MACROD1: variants seen among roughly 807,000 people sequenced by gnomAD.
The protein encoded by MACROD1 is mono-ADP ribosylhydrolase 1.
MACROD1 carries 31 observed loss-of-function variants against 41.4 expected under a neutral mutation model. The observed-to-expected ratio is 0.75, with a 90% CI of 0.56 to 1.01. MACROD1 has a LOEUF of 1.01. Ranked by LOEUF, MACROD1 falls within the 50% of genes least tolerant of loss-of-function variation. The pLI, the probability that MACROD1 is intolerant of heterozygous loss-of-function variation, is 0.00. For synonymous variants in MACROD1, 252 were observed against 203.4 expected (o/e 1.24, Z -2.03); for missense variants, 473 against 460.0 (o/e 1.03, Z -0.26).
At chr11:64,049,838 G>T (rs935005148) in intron 3 of MACROD1, among the ~76,000 whole-genome samples, 4 of 152,154 alleles carry the variant, frequency 2.6e-5, no homozygotes, top group African/African-American at 9.7e-5. Context: ...TAGGGCTGGG[G>T]CCTGGCTGAG....
intron 4 of MACROD1, 63 bp from the exon 5 acceptor site, chr11:64,000,406 C>T (rs1322603574): frequency 3.5e-6 from 4 of 1,136,314 alleles, no homozygotes; most frequent in Non-Finnish European, 3.6e-6. Flanking sequence ...GGTGAGCACC[C>T]TCAGTCCCGA....
chr11:64,061,723 AG>A (rs1943907412), intron 3 of MACROD1, among the ~76,000 whole-genome samples: 1 of 146,952 alleles, frequency 6.8e-6, no homozygotes. Context: ...TTTTTGAGAT[AG>A]GGTCTCACTC....
intron 8 of MACROD1, 54 bp downstream of exon 8, chr11:63,999,277 C>T (rs2134315370): frequency 1.3e-6 from 2 of 1,528,204 alleles, no homozygotes; most frequent in South Asian, 1.2e-5. Context: ...ATGATGGGGG[C>T]TGGTCACTCT....
In MACROD1 at chr11:64,000,310, A is replaced by G. The variant is rs529958013; in HGVS notation, c.581T>C (p.Leu194Pro). The G allele has an allele frequency of 6.3e-5, 100 of 1,593,520 alleles. 3 individuals carry two copies. In the South Asian group the frequency reaches 1.1e-3, roughly 18 times the overall value. The stretch of plus-strand genomic sequence containing the variant: ...CAGGGTCCGGCACTCGTCGGTAAGC[A>G]GGGGGCCGGCGGCCCGATGAATGCA... ...DGCIHRAAGP[L>P]LTDECRTLQS... is the part of the protein sequence containing the mutation. The change falls in exon 5 of 11, where the codon CTG becomes CCG. Residue 194 changes from leucine (L) to proline (P), a missense_variant. Transcript: ENST00000255681.
chr11:64,134,330 C>T (rs1403175116), intron 3 of MACROD1, among the ~76,000 whole-genome samples: 1 of 152,148 alleles, frequency 6.6e-6, no homozygotes, highest in African/African-American at 2.4e-5. Context: ...AGAGTTGAAA[C>T]CCTGAAGCAG....
intron 3 of MACROD1, among the ~76,000 whole-genome samples, chr11:64,042,941 C>G (rs1469028192): frequency 1.3e-5 from 2 of 152,220 alleles, no homozygotes. Context: ...GAGACTGAGG[C>G]ACAGAGTGGA....
At chr11:64,040,883 C>T (rs1034693242) in intron 3 of MACROD1, among the ~76,000 whole-genome samples, 2 of 152,034 alleles carry the variant, frequency 1.3e-5, no homozygotes, top group African/African-American at 4.8e-5. Flanking sequence ...CCAGGCAGAC[C>T]GCAGGACCCA....
intron 3 of MACROD1, among the ~76,000 whole-genome samples, chr11:64,094,651 G>A (rs2701543): frequency 0.66 from 100,942 of 152,090 alleles, 35,114 homozygotes; most frequent in Non-Finnish European, 0.77. Context: ...CGGAGGCTCA[G>A]TGTGTGGCTG....
chr11:64,008,213 C>G (rs917364153), intron 4 of MACROD1, among the ~76,000 whole-genome samples: 2 of 151,896 alleles, frequency 1.3e-5, no homozygotes, highest in Non-Finnish European at 2.9e-5. Flanking sequence ...AGAGGCAAAG[C>G]GTGGAGGGAG....
At chr11:64,027,281 G>A (rs1049540741) in intron 3 of MACROD1, among the ~76,000 whole-genome samples, 1 of 152,220 alleles carries the variant, frequency 6.6e-6, no homozygotes, top group African/African-American at 2.4e-5. Flanking sequence ...GCGGGTGCTG[G>A]AGCTGGGAGC....
At chr11:64,145,193 C>T (rs1056836033) in intron 3 of MACROD1, among the ~76,000 whole-genome samples, 4 of 152,268 alleles carry the variant, frequency 2.6e-5, no homozygotes, top group African/African-American at 4.8e-5. Flanking sequence ...AATAAATAAG[C>T]GGCTTAAAAA....
intron 3 of MACROD1, among the ~76,000 whole-genome samples, chr11:64,029,411 C>G (rs1200244074): frequency 1.3e-5 from 2 of 152,152 alleles, no homozygotes; most frequent in African/African-American, 4.8e-5. Flanking sequence ...ATCTCAGAGC[C>G]TCCTGCATCC....
chr11:64,026,705 AC>A (rs1943228288), intron 3 of MACROD1, among the ~76,000 whole-genome samples: 1 of 151,474 alleles, frequency 6.6e-6, no homozygotes, highest in Admixed American at 6.6e-5. Flanking sequence ...TGTACCCCAC[AC>A]CCCTCCCCCA....
chr11:64,150,160 C>T (rs1945553543), intron 3 of MACROD1, among the ~76,000 whole-genome samples: 1 of 152,256 alleles, frequency 6.6e-6, no homozygotes, highest in South Asian at 2.1e-4. Flanking sequence ...CAACTCAGAC[C>T]CCACGGACCA....
At chr11:64,072,095 C>T (rs1284814482) in intron 3 of MACROD1, among the ~76,000 whole-genome samples, 2 of 152,246 alleles carry the variant, frequency 1.3e-5, no homozygotes, top group African/African-American at 2.4e-5. Context: ...GAATCGACTG[C>T]TGAACTCATA....
intron 3 of MACROD1, among the ~76,000 whole-genome samples, chr11:64,092,717 C>A (rs1944511149): frequency 6.6e-6 from 1 of 152,226 alleles, no homozygotes; most frequent in East Asian, 1.9e-4. Context: ...TGCATGTCAC[C>A]AGCACCAGGC....
intron 3 of MACROD1, among the ~76,000 whole-genome samples, chr11:64,020,113 C>T (rs1490935017): frequency 3.9e-5 from 6 of 152,110 alleles, no homozygotes; most frequent in African/African-American, 1.2e-4. Context: ...ACAATGTTAT[C>T]AGATATAATA....
intron 3 of MACROD1, among the ~76,000 whole-genome samples, chr11:64,123,637 G>C (rs1211318856): frequency 6.6e-6 from 1 of 152,154 alleles, no homozygotes; most frequent in African/African-American, 2.4e-5. Context: ...AGAGCACTCA[G>C]GCTTGAGGCT....
chr11:64,082,436 G>GT lies in MACROD1; in HGVS notation c.518-67156dup, dbSNP rs1321835468. On this transcript the variant is annotated intron_variant, in intron 3 of 10. Coordinates refer to ENST00000255681, the MANE Select transcript of MACROD1 (RefSeq NM_014067.4). This position sits in a 1 kb window ranked among gnomAD's most constrained non-coding sequence, Gnocchi z 4.5. Reference sequence around the variant, plus strand: ...GCGTCCTAAGGTGAGGGGCAGGCAGGTGAGGGGCTTGAGGGCAGGGCTGAG... The same window carrying GT: ...GCGTCCTAAGGTGAGGGGCAGGCAGGTTGAGGGGCTTGAGGGCAGGGCTGAG... Among the ~76,000 whole-genome samples, 1 of 152,064 alleles carries GT rather than the reference G, an allele frequency of 6.6e-6. No homozygotes were observed. The highest frequency in any genetic ancestry group is 2.4e-5 in the African/African-American group (1 of 41,406).
Sources: allele counts gnomAD v4.1 joint callset (sites outside exome capture counted in the v4.1 genomes callset), GRCh38; gene constraint gnomAD v4.1.1; non-coding constraint Gnocchi (gnomAD v3.1); transcripts MANE v1.5; gene names NCBI Gene and HGNC (gene_info 2026-07-23, HGNC 2026-07-21).